The following UGT3A1 variants were observed in gnomAD, a reference collection of about 807,000 sequenced individuals.
The protein encoded by UGT3A1 is UDP glycosyltransferase family 3 member A1, also known as UDP-glycosyltransferase 3A1.
Under a neutral mutation model 37.6 loss-of-function variants are expected in UGT3A1, and 40 were observed. That is an observed-to-expected ratio of 1.06 (90% CI 0.83 to 1.38). The LOEUF (loss-of-function observed/expected upper bound fraction) is 1.38. UGT3A1 is among the 40% of genes most tolerant of loss of function. UGT3A1 has a pLI of 0.00. For synonymous variants in UGT3A1, 256 were observed against 232.3 expected (o/e 1.10, Z -0.93); for missense variants, 642 against 634.2 (o/e 1.01, Z -0.13).
At chr5:35,972,725 G>C (rs1740096230) in intron 2 of UGT3A1, among the ~76,000 whole-genome samples, 1 of 152,002 alleles carries the variant, frequency 6.6e-6, no homozygotes, top group Non-Finnish European at 1.5e-5. Context: ...CTTCTAAAAG[G>C]CAATGTTCTG....
chr5:35,980,333 G>T (rs1740470347), intron 2 of UGT3A1, among the ~76,000 whole-genome samples: 1 of 152,148 alleles, frequency 6.6e-6, no homozygotes, highest in African/African-American at 2.4e-5. Flanking sequence ...TTACTGACTG[G>T]ATAACATTTT....
At chr5:35,958,569 C>T (rs1393154098) in intron 4 of UGT3A1, among the ~76,000 whole-genome samples, 1 of 152,170 alleles carries the variant, frequency 6.6e-6, no homozygotes, top group Non-Finnish European at 1.5e-5. Context: ...CAGCCGCATG[C>T]CCTTGTTCTT....
chr5:35,986,927 T>C (rs1444916161), intron 2 of UGT3A1, among the ~76,000 whole-genome samples: 1 of 152,118 alleles, frequency 6.6e-6, no homozygotes, highest in East Asian at 1.9e-4. Context: ...TATTATCACA[T>C]GCACCCTGAA....
chr5:35,989,295 G>T (rs1440137903), intron 1 of UGT3A1, among the ~76,000 whole-genome samples: 1 of 152,196 alleles, frequency 6.6e-6, no homozygotes, highest in Non-Finnish European at 1.5e-5. Context: ...GGAAAGAGAA[G>T]CTTGGTTCTC....
chr5:35,954,138 T>C lies in UGT3A1; in HGVS notation c.*64A>G. 6.4e-7 allele frequency: 1 copy of C among 1,550,880 alleles called. No individual in the cohort carries two copies. Among genetic ancestry groups the C allele is most frequent in the Non-Finnish European group, 8.8e-7 (1 of 1,139,612 alleles). ...GAGAGAACAGAGGGGTGGCGTGTGC[T>C]GGGGTGGGGAGAACCTTCAAAGGAC... On this transcript the variant is annotated 3_prime_UTR_variant, in exon 7 of 7. Coordinates refer to ENST00000274278, the MANE Select transcript of UGT3A1 (RefSeq NM_152404.4).
upstream of UGT3A1, among the ~76,000 whole-genome samples, chr5:35,995,856 G>C (rs1310757374): frequency 2.0e-5 from 3 of 152,142 alleles, no homozygotes; most frequent in Admixed American, 1.3e-4. Flanking sequence ...CAGGATGTCA[G>C]TTGATTGCTT....
At chr5:35,969,511 C>G (rs563616312) in intron 2 of UGT3A1, among the ~76,000 whole-genome samples, 4 of 149,998 alleles carry the variant, frequency 2.7e-5, no homozygotes, top group African/African-American at 9.7e-5. Flanking sequence ...CACCTGATAA[C>G]AACCAAAAAG....
At position 35,951,372 on chromosome 5, in the gene UGT3A1, A is replaced by T. The variant is rs1004311597; in HGVS notation, c.*2830T>A. On this transcript the variant is annotated 3_prime_UTR_variant, in exon 7 of 7. Coordinates refer to ENST00000274278, the MANE Select transcript of UGT3A1 (RefSeq NM_152404.4). ...ATGCACATAGATATGTATTTTTTTC[A>T]TTATCCCCCATACACATACTTTCCT... The T allele has an allele frequency of 1.3e-5, 2 of 151,990 alleles. No homozygotes were observed. Among genetic ancestry groups the T allele is most frequent in the Admixed American group, 1.3e-4 (2 of 15,258 alleles). The allele number at this position is 151,990 out of a possible 1,614,324, so 9.4% of individuals were successfully genotyped here.
upstream of UGT3A1, among the ~76,000 whole-genome samples, chr5:35,995,900 C>G (rs1293383433): frequency 6.6e-6 from 1 of 151,696 alleles, no homozygotes; most frequent in African/African-American, 2.4e-5. Context: ...TTATAAAATG[C>G]AAATTTCTTA....
In UGT3A1 at chr5:35,954,413, C is replaced by G; in HGVS notation, c.1361G>C (p.Arg454Pro). The G allele has an allele frequency of 6.2e-7, 1 of 1,614,192 alleles. No individual in the cohort carries two copies. Among genetic ancestry groups the G allele is most frequent in the South Asian group, 1.1e-5 (1 of 91,080 alleles). ...GATGTGGTCGATCCAGCCCACCAGC[C>G]GCTGTGCGGGGCTCAGGGGCTGAGA... ...LHSQPLSPAQ[R>P]LVGWIDHILQ... is the part of the protein sequence containing the mutation. The change falls in exon 7 of 7, where the codon CGG (arginine) becomes CCG (proline). Residue 454 changes from arginine to proline, a missense_variant. By Grantham distance (103) the Arg-to-Pro change is moderately radical (BLOSUM62 -2). Transcript: ENST00000274278.
At chr5:35,979,547 A>G (rs908203530) in intron 2 of UGT3A1, among the ~76,000 whole-genome samples, 7 of 151,982 alleles carry the variant, frequency 4.6e-5, no homozygotes, top group African/African-American at 1.5e-4. Flanking sequence ...TTCATTGTCC[A>G]TATCACTATC....
intron 3 of UGT3A1, 100 bp from the exon 4 acceptor site, chr5:35,966,017 A>G: frequency 3.2e-6 from 3 of 931,718 alleles, no homozygotes; most frequent in Non-Finnish European, 4.6e-6. Flanking sequence ...TATGTTAAGA[A>G]TATAACCAGT....
chr5:35,997,050 A>G (rs1401744397), intron 2 of UGT3A1, among the ~76,000 whole-genome samples: 3 of 152,126 alleles, frequency 2.0e-5, no homozygotes, highest in African/African-American at 7.2e-5. Flanking sequence ...TCCCTACCAC[A>G]CAAGATTATC....
intron 1 of UGT3A1, among the ~76,000 whole-genome samples, chr5:35,990,138 A>T (rs1424855238): frequency 6.6e-6 from 1 of 152,054 alleles, no homozygotes; most frequent in Admixed American, 6.6e-5. Flanking sequence ...AAACGGCATC[A>T]GAGCGGAAGT....
At position 35,991,321 on chromosome 5, in the gene UGT3A1, A is replaced by G. The variant is rs1740944813; in HGVS notation, c.-81T>C. On this transcript the variant is annotated 5_prime_UTR_variant, in exon 1 of 7. Transcript: ENST00000274278. ...CTAAGGACTCTGTGCGCGCCTCAGT[A>G]CTCCAAAGGCACTGGCTGTGGGCCT... is the stretch of plus-strand genomic sequence containing the variant. The G allele has an allele frequency of 1.3e-6, 2 of 1,590,748 alleles. No individual in the cohort carries two copies. The highest frequency in any genetic ancestry group is 1.7e-6 in the Non-Finnish European group (2 of 1,168,458).
At chr5:35,982,657 G>C (rs1332898621) in intron 2 of UGT3A1, among the ~76,000 whole-genome samples, 1 of 152,214 alleles carries the variant, frequency 6.6e-6, no homozygotes, top group Non-Finnish European at 1.5e-5. Context: ...CTTTGGACTT[G>C]TACTTTTGAA....
intron 1 of UGT3A1, among the ~76,000 whole-genome samples, chr5:35,990,202 T>A (rs1351574686): frequency 6.6e-6 from 1 of 152,048 alleles, no homozygotes; most frequent in Non-Finnish European, 1.5e-5. Context: ...TCATGGGACA[T>A]TAAGGAGGCC....
At position 35,951,424 on chromosome 5, in the gene UGT3A1, C is replaced by T. The variant is rs1035877915; in HGVS notation, c.*2778G>A. On this transcript the variant is annotated 3_prime_UTR_variant, in exon 7 of 7. Transcript: ENST00000274278. ...TTTCTTATAAAAAAAAGGATACATC[C>T]TATAGTTACTCTTACTCTTTGCTAT... 1 of 152,054 alleles carries T rather than the reference C, an allele frequency of 6.6e-6. No individual in the cohort carries two copies. Among genetic ancestry groups the T allele is most frequent in the African/African-American group, 2.4e-5 (1 of 41,412 alleles). 9.4% of individuals were successfully genotyped at this position (152,054 alleles called of 1,614,324 possible).
chr5:35,995,084 A>G (rs953601811), upstream of UGT3A1, among the ~76,000 whole-genome samples: 1 of 152,188 alleles, frequency 6.6e-6, no homozygotes, highest in African/African-American at 2.4e-5. Context: ...ACTGAAGGCC[A>G]ACAAACAACT....
Sources: allele counts gnomAD v4.1 joint callset (sites outside exome capture counted in the v4.1 genomes callset), GRCh38; gene constraint gnomAD v4.1.1; transcripts MANE v1.5; gene names NCBI Gene and HGNC (gene_info 2026-07-23, HGNC 2026-07-21).